The following MASTL variants were observed in gnomAD, a reference collection of about 807,000 sequenced individuals.
MASTL encodes microtubule associated serine/threonine kinase like, also known as serine/threonine-protein kinase greatwall.
A neutral mutation model predicts 82.5 loss-of-function variants in MASTL; 54 were observed. The observed-to-expected ratio is 0.65, with a 90% confidence interval of 0.53 to 0.82. The LOEUF is 0.82. Among genes scored for constraint, MASTL ranks in the 40% least tolerant of loss-of-function variants. The pLI is 0.00. For synonymous variants in MASTL, 323 were observed against 368.9 expected (o/e 0.88, Z 1.43); for missense variants, 950 against 1,047.8 (o/e 0.91, Z 1.29).
chr10:27,155,244 G>T (rs1005383444), upstream of MASTL: 11 of 633,014 alleles, frequency 1.7e-5, no homozygotes, highest in Admixed American at 3.0e-5. Context: ...CTGCGAAGTC[G>T]GGGCTTTCCC....
At chr10:27,169,831 A>G (rs1474290592) in intron 7 of MASTL, 113 bp from the exon 8 acceptor site, 2 of 995,898 alleles carry the variant, frequency 2.0e-6, no homozygotes, top group African/African-American at 1.6e-5. Flanking sequence ...GAAAGTGGCA[A>G]CAGGTAGCAT....
chr10:27,181,345 C>G (rs2058290207), intron 10 of MASTL, 135 bp from the exon 11 acceptor site: 1 of 686,996 alleles, frequency 1.5e-6, no homozygotes. Context: ...GAGCTGAGAT[C>G]ACGCTTTTGC....
At chr10:27,175,441 T>C (rs7918395) in intron 9 of MASTL, among the ~76,000 whole-genome samples, 91,635 of 151,898 alleles carry the variant, frequency 0.6, 27,952 homozygotes, top group Non-Finnish European at 0.65. Context: ...CTTGGCCTTC[T>C]GAAGTGCTGG....
At chr10:27,171,825 C>CTT (rs112511530) in intron 8 of MASTL, among the ~76,000 whole-genome samples, 50,609 of 92,948 alleles carry the variant, frequency 0.54, 16,205 homozygotes, top group Non-Finnish European at 0.67. Context: ...AAATATGTTT[C>CTT]TTTTTTTTTT....
Position 27,170,132 on chromosome 10 carries a change from A to C in MASTL, c.1173A>C (p.Lys391Asn), listed in dbSNP as rs898261558. The C allele has an allele frequency of 1.2e-6, 2 of 1,614,076 alleles. No individual in the cohort carries two copies. The highest frequency in any genetic ancestry group is 1.3e-5 in the African/African-American group (1 of 74,936). ...TGRSCVNLAK[K>N]CFSGEVSWEA... ...GCTCTTGTGTAAACCTTGCTAAAAA[A>C]TGCTTCTCTGGGGAAGTTTCTTGGG... Residue 391 changes from lysine to asparagine, a missense_variant, in exon 8 of 12, where the codon AAA (lysine) becomes AAC (asparagine). By Grantham distance (94) the Lys-to-Asn change is moderately conservative (BLOSUM62 0). Coordinates refer to ENST00000375940, the MANE Select transcript of MASTL (RefSeq NM_001172303.3).
chr10:27,166,543 C>T (rs956152095), intron 6 of MASTL, among the ~76,000 whole-genome samples: 6 of 152,014 alleles, frequency 3.9e-5, no homozygotes, highest in Non-Finnish European at 8.8e-5. Context: ...GAGGCTGAGG[C>T]GAGAGGATCA....
intron 11 of MASTL, among the ~76,000 whole-genome samples, chr10:27,185,202 C>T (rs534076540): frequency 1.4e-4 from 21 of 152,166 alleles, no homozygotes; most frequent in East Asian, 7.7e-4. Context: ...TGCTAAGGAG[C>T]GTGGTGATAG....
Position 27,181,612 on chromosome 10 carries a change from C to A in MASTL, c.2482+31C>A, listed in dbSNP as rs745481954. 2.6e-6 allele frequency: 4 copies of A among 1,509,452 alleles called. No homozygotes were observed. In the South Asian group the frequency reaches 4.5e-5, roughly 17 times the overall value. The allele number at this position is 1,509,452 out of a possible 1,614,324, so 93.5% of individuals were successfully genotyped here. A position where few individuals can be genotyped will look rare whatever the true frequency, so the allele number is the denominator to read the frequency against. On this transcript the variant is annotated intron_variant, in intron 11 of 11. Transcript: ENST00000375940. Reference sequence around the variant, plus strand: ...GTTTTGTGTTAATACATTGTTTTACCATTGATTTTTTGCAGATGGTGAATA... The same window carrying A: ...GTTTTGTGTTAATACATTGTTTTACAATTGATTTTTTGCAGATGGTGAATA...
chr10:27,170,696 GGAAAGTCCATTA>G lies in MASTL; in HGVS notation c.1745_1756del (p.Pro582_Ser585del). On this transcript the variant is annotated inframe_deletion, in exon 8 of 12. Transcript: ENST00000375940. Reference sequence around the variant, plus strand: ...CATCTTTTCCTGGAATTTCTATAATGGAAAGTCCATTAGAAAGTCAGCCCTTAGATTCAGATA... The same window carrying G: ...CATCTTTTCCTGGAATTTCTATAATGGAAAGTCAGCCCTTAGATTCAGATA... 1 of 1,612,958 alleles carries G rather than the reference GGAAAGTCCATTA, an allele frequency of 6.2e-7. No homozygotes were observed. Among genetic ancestry groups the G allele is most frequent in the Non-Finnish European group, 8.5e-7 (1 of 1,179,698 alleles).
chr10:27,161,034 A>G (rs2057554212), intron 3 of MASTL, 60 bp from the exon 4 acceptor site: 2 of 1,096,512 alleles, frequency 1.8e-6, no homozygotes, highest in Non-Finnish European at 2.8e-6. Flanking sequence ...TTTTCTGGAA[A>G]TTCTAACATT....
At chr10:27,185,756 C>T (rs2058680223) in intron 11 of MASTL, among the ~76,000 whole-genome samples, 1 of 147,770 alleles carries the variant, frequency 6.8e-6, no homozygotes, top group Non-Finnish European at 1.5e-5. Context: ...CACTACACTC[C>T]AGATTGGGCA....
At position 27,165,522 on chromosome 10, in the gene MASTL, G is replaced by A; in HGVS notation, c.794G>A (p.Ser265Asn). The change falls in exon 6 of 12, where the codon AGC becomes AAC. Residue 265 changes from serine (S) to asparagine (N), a missense_variant. Physicochemically the swap from Ser to Asn is conservative, Grantham distance 46 (BLOSUM62 1). Coordinates refer to ENST00000375940, the MANE Select transcript of MASTL (RefSeq NM_001172303.3). ...CAAAAGGACACTACGCCTTATTCTAGCAAATTACTAAAATCATGTGAGTAT... is the reference window on the plus strand; with the variant it reads ...CAAAAGGACACTACGCCTTATTCTAACAAATTACTAAAATCATGTGAGTAT... ...VDQKDTTPYS[S>N]KLLKSCLETV... 1 of 1,614,106 alleles carries A rather than the reference G, an allele frequency of 6.2e-7. No individual in the cohort carries two copies.
chr10:27,175,691 G>T (rs143982259), intron 9 of MASTL, among the ~76,000 whole-genome samples: 224 of 152,252 alleles, frequency 1.5e-3, no homozygotes, highest in African/African-American at 5.1e-3. Context: ...TCACCTCCAT[G>T]TTGATGATTC....
intron 5 of MASTL, 57 bp from the exon 6 acceptor site, chr10:27,165,331 CT>C (rs1402557435): frequency 6.4e-7 from 1 of 1,561,864 alleles, no homozygotes; most frequent in Non-Finnish European, 8.8e-7. Flanking sequence ...AGTCTATGTA[CT>C]TAGGTGGTGT....
chr10:27,169,071 G>A (rs766293961), intron 7 of MASTL, among the ~76,000 whole-genome samples: 7 of 152,080 alleles, frequency 4.6e-5, no homozygotes, highest in South Asian at 2.1e-4. Flanking sequence ...TGCATTATCA[G>A]TTCATCTTGT....
intron 8 of MASTL, among the ~76,000 whole-genome samples, chr10:27,172,227 G>A (rs561052907): frequency 1.1e-4 from 16 of 152,178 alleles, no homozygotes; most frequent in African/African-American, 3.9e-4. Context: ...AACATAAAAT[G>A]TGTAACCCCT....
chr10:27,167,265 A>T lies in MASTL; in HGVS notation c.975A>T (p.Lys325Asn). 6.2e-7 allele frequency: 1 copy of T among 1,613,578 alleles called. No homozygotes were observed. Among genetic ancestry groups the T allele is most frequent in the Non-Finnish European group, 8.5e-7 (1 of 1,179,504 alleles). ...SECHSSPKWE[K>N]DCQESDEALG... ...GCCACAGCAGTCCCAAATGGGAAAA[A>T]GATTGCCAGGTTTGAGGGACATTTA... Residue 325 changes from lysine (K) to asparagine (N), a missense_variant, in exon 7 of 12, where the codon AAA (lysine) becomes AAT (asparagine). Transcript: ENST00000375940.
chr10:27,178,886 A>G (rs1024101051), intron 9 of MASTL, among the ~76,000 whole-genome samples: 1 of 152,186 alleles, frequency 6.6e-6, no homozygotes, highest in Non-Finnish European at 1.5e-5. Context: ...ATAGTATTAT[A>G]GAAATAGAAG....
At chr10:27,156,829 ATTTT>A (rs10660334) in intron 1 of MASTL, among the ~76,000 whole-genome samples, 1 of 122,374 alleles carries the variant, frequency 8.2e-6, no homozygotes. Context: ...CCTGCTATGA[ATTTT>A]TTTTTTTTTT....
Sources: gnomAD v4.1 joint callset for allele counts (sites outside exome capture counted in the v4.1 genomes callset) on GRCh38, gnomAD v4.1.1 for gene constraint, MANE v1.5 for transcripts, NCBI Gene and HGNC (gene_info 2026-07-23, HGNC 2026-07-21) for gene names.